IHO1: variants seen among roughly 807,000 people sequenced by gnomAD.
IHO1 encodes the protein interactor of HORMAD1 1, also known as interactor of HORMAD1 protein 1.
In IHO1, 13 loss-of-function variants were observed where a neutral mutation model predicts 31.0. The observed-to-expected ratio is 0.42, with a 90% CI of 0.27 to 0.67. IHO1 has a LOEUF of 0.67. Ranked by LOEUF, IHO1 falls within the 30% of genes least tolerant of loss-of-function variation. The pLI is 0.24. For synonymous variants in IHO1, 221 were observed against 248.4 expected (o/e 0.89, Z 1.04); for missense variants, 599 against 687.5 (o/e 0.87, Z 1.44).
chr3:49,243,361 T>C (rs1333040584), intron 4 of IHO1, among the ~76,000 whole-genome samples: 2 of 151,642 alleles, frequency 1.3e-5, no homozygotes, highest in African/African-American at 4.8e-5. Context: ...GCCAGGCTGG[T>C]CTCAAACTCC....
chr3:49,208,576 T>A (rs1274202672), intron 1 of IHO1, among the ~76,000 whole-genome samples: 2 of 152,192 alleles, frequency 1.3e-5, no homozygotes, highest in Admixed American at 6.5e-5. Context: ...GGTTGGGAAC[T>A]GCTGCCCTAG....
chr3:49,257,362 C>A lies in IHO1; in HGVS notation c.*80C>A. ...TGGGCTGGCCAACAGCAGAAAGTCC[C>A]TGAAGCCTGCCAAGTACCCAGGGTC... On this transcript the variant is annotated 3_prime_UTR_variant, in exon 8 of 8. Transcript: ENST00000452691. 7.1e-7 allele frequency: 1 copy of A among 1,399,366 alleles called. No individual in the cohort carries two copies. The highest frequency in any genetic ancestry group is 9.9e-7 in the Non-Finnish European group (1 of 1,014,636). The allele number at this position is 1,399,366 out of a possible 1,614,324, so 86.7% of individuals were successfully genotyped here.
At chr3:49,205,795 G>T (rs1291624567) in intron 1 of IHO1, among the ~76,000 whole-genome samples, 1 of 144,230 alleles carries the variant, frequency 6.9e-6, no homozygotes, top group Non-Finnish European at 1.5e-5. Context: ...TGTGAGATGG[G>T]GTCTTGCTCT....
chr3:49,216,171 G>A (rs2046284627), intron 2 of IHO1, among the ~76,000 whole-genome samples: 1 of 152,118 alleles, frequency 6.6e-6, no homozygotes, highest in South Asian at 2.1e-4. Context: ...AACCTTTTTG[G>A]TAACAGGGAC....
intron 1 of IHO1, chr3:49,200,676 ACTTTTT>A (rs1267969609): frequency 1.0e-4 from 54 of 538,834 alleles, no homozygotes; most frequent in Non-Finnish European, 1.2e-4. Flanking sequence ...CATGCACTCA[ACTTTTT>A]CTCCCCTTTT....
intron 1 of IHO1, among the ~76,000 whole-genome samples, chr3:49,201,830 ATTGC>A (rs1489884376): frequency 6.6e-6 from 1 of 152,144 alleles, no homozygotes; most frequent in East Asian, 1.9e-4. Context: ...AGTTGGGAAG[ATTGC>A]TTGAGCCTGA....
At chr3:49,221,926 G>T (rs2046359917) in intron 2 of IHO1, among the ~76,000 whole-genome samples, 2 of 152,164 alleles carry the variant, frequency 1.3e-5, no homozygotes, top group African/African-American at 4.8e-5. Context: ...ATAAACGCCG[G>T]GTGGCATCTT....
upstream of IHO1, among the ~76,000 whole-genome samples, chr3:49,194,993 G>A (rs768673453): frequency 2.0e-5 from 3 of 152,108 alleles, no homozygotes; most frequent in South Asian, 2.1e-4. Flanking sequence ...GGTCACTCCT[G>A]TAATCCCAGC....
At chr3:49,195,585 T>G (rs1575558463), upstream of IHO1, among the ~76,000 whole-genome samples, 1 of 149,050 alleles carries the variant, frequency 6.7e-6, no homozygotes, top group African/African-American at 2.5e-5. Context: ...GTGGTGGCAG[T>G]CGCCTGTAGT....
chr3:49,246,634 T>C (rs1200875331), intron 6 of IHO1, among the ~76,000 whole-genome samples: 1 of 151,472 alleles, frequency 6.6e-6, no homozygotes, highest in African/African-American at 2.4e-5. Context: ...AACAACAGAG[T>C]GAAACTCCCT....
At chr3:49,215,770 A>C (rs1444261703) in intron 2 of IHO1, among the ~76,000 whole-genome samples, 1 of 152,206 alleles carries the variant, frequency 6.6e-6, no homozygotes, top group Admixed American at 6.5e-5. Context: ...GCAAGGAGGC[A>C]TCTAGTGCAG....
intron 1 of IHO1, among the ~76,000 whole-genome samples, chr3:49,204,608 T>C (rs540868832): frequency 4.6e-5 from 7 of 152,278 alleles, no homozygotes; most frequent in African/African-American, 1.7e-4. Flanking sequence ...AAATGATGCT[T>C]TGTTGGGGAA....
chr3:49,198,140 C>G (rs184408508), upstream of IHO1, among the ~76,000 whole-genome samples: 5 of 152,242 alleles, frequency 3.3e-5, no homozygotes, highest in Admixed American at 2.6e-4. Flanking sequence ...TTGTTCATTC[C>G]TTTTTATTGC....
chr3:49,200,040 G>A (rs931962403), intron 1 of IHO1, among the ~76,000 whole-genome samples: 1 of 152,200 alleles, frequency 6.6e-6, no homozygotes, highest in Non-Finnish European at 1.5e-5. Context: ...TGAGAGAGGC[G>A]GCCGGCCATT....
At chr3:49,252,329 T>TG (rs1331377306) in intron 6 of IHO1, 1 of 153,470 alleles carries the variant, frequency 6.5e-6, no homozygotes, top group East Asian at 1.9e-4. Flanking sequence ...GCATTGCCAG[T>TG]GGGGTGGCAC....
chr3:49,227,792 C>T (rs1374163841), intron 2 of IHO1, among the ~76,000 whole-genome samples: 3 of 152,110 alleles, frequency 2.0e-5, no homozygotes, highest in Non-Finnish European at 4.4e-5. Context: ...TAGAGTGACA[C>T]CTTTTATCCT....
intron 2 of IHO1, among the ~76,000 whole-genome samples, chr3:49,229,318 G>T (rs1465292734): frequency 1.3e-5 from 2 of 152,192 alleles, no homozygotes; most frequent in Non-Finnish European, 1.5e-5. Flanking sequence ...AAGTTCCAAC[G>T]GGTCTGTGGA....
At chr3:49,218,129 C>T (rs2046311985) in intron 2 of IHO1, among the ~76,000 whole-genome samples, 1 of 152,114 alleles carries the variant, frequency 6.6e-6, no homozygotes, top group Non-Finnish European at 1.5e-5. Context: ...GAGCTGGCTG[C>T]CCCCATGAGC....
At chr3:49,193,120 C>T in the IHO1 span, among the ~76,000 whole-genome samples, 1 of 152,112 alleles carries the variant, frequency 6.6e-6, no homozygotes, top group African/African-American at 2.4e-5. Context: ...TCTGTAATCC[C>T]AGCACTTTGG....
Sources: allele counts gnomAD v4.1 joint callset (sites outside exome capture counted in the v4.1 genomes callset), GRCh38; gene constraint gnomAD v4.1.1; transcripts MANE v1.5; gene names NCBI Gene and HGNC (gene_info 2026-07-23, HGNC 2026-07-21).